NRP2: variants seen among roughly 807,000 people sequenced by gnomAD.
NRP2 encodes the protein neuropilin 2, also known as neuropilin-2.
Under a neutral mutation model 110.4 loss-of-function variants are expected in NRP2, and 52 were observed. That is an observed-to-expected ratio of 0.47 (90% CI 0.38 to 0.59). The LOEUF (loss-of-function observed/expected upper bound fraction) is 0.59, where lower values mean the gene tolerates loss of function less well. NRP2 is among the 20% of genes least tolerant of loss of function. The pLI, the probability that NRP2 is intolerant of heterozygous loss-of-function variation, is 0.00. For missense variants in NRP2, 1,049 were observed against 1,203.0 expected, an observed-to-expected ratio of 0.87 and a Z score of 1.89; for synonymous variants, 508 against 468.9, an observed-to-expected ratio of 1.08 and a Z score of -1.08.
intron 15 of NRP2, among the ~76,000 whole-genome samples, chr2:205,783,707 G>A (rs1414429986): frequency 2.0e-5 from 3 of 152,248 alleles, no homozygotes; most frequent in Middle Eastern, 3.2e-3. Context: ...ACAGGGGCCA[G>A]TAGCAAGGAA....
At position 205,796,167 on chromosome 2, in the gene NRP2, T is replaced by C. The variant is rs1026424789; in HGVS notation, c.*1109T>C. 3 of 152,220 alleles carry C rather than the reference T, an allele frequency of 2.0e-5. No individual in the cohort carries two copies. The highest frequency in any genetic ancestry group is 4.4e-5 in the Non-Finnish European group (3 of 68,054). 9.4% of individuals were successfully genotyped at this position (152,220 alleles called of 1,614,324 possible). ...AAGAGAAGCCCAACCTCTGTGATCATATGAGGGCCAAGGCTGAGCAGTGTA... is the reference window on the plus strand; with the variant it reads ...AAGAGAAGCCCAACCTCTGTGATCACATGAGGGCCAAGGCTGAGCAGTGTA... On this transcript the variant is annotated 3_prime_UTR_variant, in exon 17 of 17. Transcript: ENST00000357785.
Position 205,767,072 on chromosome 2 carries a change from A to G in NRP2, c.2425+269A>G, listed in dbSNP as rs574345495. ...TTACAGATAAACCTTTCAGCCTTGC[A>G]TTGTCCAACGGGGAGCAATGAGGCT... On this transcript the variant is annotated intron_variant, in intron 15 of 16. Transcript: ENST00000357785. 2.5e-3 allele frequency: 1,318 copies of G among 534,794 alleles called. 7 individuals carry two copies. The highest frequency in any genetic ancestry group is 2.7e-3 in the Non-Finnish European group (821 of 299,732). The allele number at this position is 534,794 out of a possible 1,614,324, so 33.1% of individuals were successfully genotyped here. A position where few individuals can be genotyped will look rare whatever the true frequency, so the allele number is the denominator to read the frequency against.
chr2:205,722,378 AG>A, intron 3 of NRP2, 99 bp from the exon 4 acceptor site: 1 of 955,552 alleles, frequency 1.0e-6, no homozygotes, highest in South Asian at 1.4e-5. Context: ...AAACCTCAAG[AG>A]CAGGGGGATT....
chr2:205,792,195 A>T lies in NRP2; in HGVS notation c.2426-40A>T, dbSNP rs74638640. 4,763 of 1,384,694 alleles carry T rather than the reference A, an allele frequency of 3.4e-3. 131 individuals are homozygous for T. In the African/African-American group the frequency reaches 0.056, roughly 16 times the overall value. The allele number at this position is 1,384,694 out of a possible 1,614,324, so 85.8% of individuals were successfully genotyped here. A position where few individuals can be genotyped will look rare whatever the true frequency, so the allele number is the denominator to read the frequency against. On this transcript the variant is annotated intron_variant, in intron 15 of 16. Transcript: ENST00000357785. ...CCCTGCCTTTTAGCCATGGTGATAG[A>T]ACTTGTTATTAACTTGTTTTTATTT...
At chr2:205,753,771 C>A (rs1171346057) in intron 12 of NRP2, among the ~76,000 whole-genome samples, 2 of 152,128 alleles carry the variant, frequency 1.3e-5, no homozygotes, top group East Asian at 3.8e-4. Flanking sequence ...GGTGTAAATA[C>A]CCTTACCATA....
chr2:205,712,938 C>T (rs1461213220), intron 2 of NRP2, among the ~76,000 whole-genome samples: 1 of 152,152 alleles, frequency 6.6e-6, no homozygotes, highest in African/African-American at 2.4e-5. Flanking sequence ...AACTAACAAG[C>T]TCAGAGAAAA....
At chr2:205,711,570 C>T (rs2056799452) in intron 2 of NRP2, among the ~76,000 whole-genome samples, 1 of 152,080 alleles carries the variant, frequency 6.6e-6, no homozygotes, top group Non-Finnish European at 1.5e-5. Context: ...TTGGAAAGAG[C>T]TCACCATATA....
chr2:205,742,194 T>A (rs1010456), intron 8 of NRP2, among the ~76,000 whole-genome samples: 36,712 of 152,218 alleles, frequency 0.24, 5,490 homozygotes, highest in Non-Finnish European at 0.33. Flanking sequence ...TAGCTCAGTT[T>A]GCAAGTATGA....
chr2:205,794,820 A>G lies in NRP2; in HGVS notation c.2543A>G (p.Asp848Gly), dbSNP rs748463365. The G allele has an allele frequency of 7.4e-6, 12 of 1,614,150 alleles. No homozygotes were observed. Among genetic ancestry groups the G allele is most frequent in the Non-Finnish European group, 1.0e-5 (12 of 1,180,018 alleles). Residue 848 changes from aspartate to glycine, a missense_variant, in exon 17 of 17, where the codon GAC becomes GGC. Asp to Gly is a moderately conservative substitution (Grantham distance 94). Coordinates refer to ENST00000357785, the MANE Select transcript of NRP2 (RefSeq NM_003872.3). ...ATSGSGAPST[D>G]KEKSWLYTLD... is the part of the protein sequence containing the mutation. ...TCAGGGTCTGGCGCCCCCTCGACCGACAAAGAAAAGAGCTGGCTGTACACC... is the reference window on the plus strand; with the variant it reads ...TCAGGGTCTGGCGCCCCCTCGACCGGCAAAGAAAAGAGCTGGCTGTACACC...
chr2:205,782,803 T>C (rs1417823609), intron 15 of NRP2, among the ~76,000 whole-genome samples: 1 of 152,108 alleles, frequency 6.6e-6, no homozygotes, highest in East Asian at 1.9e-4. Context: ...TGTGTTGATA[T>C]GCCAGAGTGT....
At chr2:205,769,070 C>G (rs2057974572) in intron 15 of NRP2, among the ~76,000 whole-genome samples, 1 of 152,098 alleles carries the variant, frequency 6.6e-6, no homozygotes, top group South Asian at 2.1e-4. Context: ...CCTAGTGACT[C>G]ATATACTATT....
chr2:205,734,011 G>C (rs2105845238), intron 7 of NRP2, among the ~76,000 whole-genome samples: 1 of 152,122 alleles, frequency 6.6e-6, no homozygotes, highest in African/African-American at 2.4e-5. Context: ...CTGTGCCTCT[G>C]TCTCCTCCTT....
chr2:205,755,002 T>C (rs2057711274), intron 12 of NRP2, among the ~76,000 whole-genome samples: 1 of 152,154 alleles, frequency 6.6e-6, no homozygotes, highest in Admixed American at 6.5e-5. Flanking sequence ...AGGGCAGCCC[T>C]ACCCAGGCCA....
chr2:205,795,367 T>TTATTA lies in NRP2; in HGVS notation c.*311_*315dup, dbSNP rs2058343403. The TTATTA allele has an allele frequency of 6.9e-6, 1 of 145,098 alleles. No individual in the cohort carries two copies. The highest frequency in any genetic ancestry group is 2.5e-5 in the African/African-American group (1 of 40,594). 9.0% of individuals were successfully genotyped at this position (145,098 alleles called of 1,614,324 possible). A position where few individuals can be genotyped will look rare whatever the true frequency, so the allele number is the denominator to read the frequency against. ...CTATTTTGTTTGTGAGTTTGTATTA[T>TTATTA]TATTATTATTATTATTATTATTATA... On this transcript the variant is annotated 3_prime_UTR_variant, in exon 17 of 17. Transcript: ENST00000357785.
intron 10 of NRP2, 118 bp from the exon 11 acceptor site, chr2:205,749,606 GT>G: frequency 2.5e-6 from 2 of 812,658 alleles, no homozygotes; most frequent in Non-Finnish European, 4.3e-6. Flanking sequence ...TGACTTCAGA[GT>G]TCCGTGCACA....
rs748899902 is a variant in NRP2, at chr2:205,745,850, G to T, written c.1746G>T (p.Gly582=). ...RVYPERWSPA[G]IGMRLEVLGC... ...ACCCGGAGAGGTGGTCGCCGGCGGG[G>T]ATTGGGATGCGGCTGGAGGTGCTGG... The change falls in exon 10 of 17, where the codon GGG becomes GGT. Residue 582 remains glycine, a synonymous_variant. Coordinates refer to ENST00000357785, the MANE Select transcript of NRP2 (RefSeq NM_003872.3). 20 of 1,614,096 alleles carry T rather than the reference G, an allele frequency of 1.2e-5. No homozygotes were observed. Among genetic ancestry groups the T allele is most frequent in the Non-Finnish European group, 1.7e-5 (20 of 1,180,036 alleles).
intron 1 of NRP2, among the ~76,000 whole-genome samples, chr2:205,696,388 C>T (rs559344787): frequency 1.3e-5 from 2 of 152,248 alleles, no homozygotes; most frequent in South Asian, 2.1e-4. Context: ...ATGCAGATGG[C>T]GATATTAAAT....
intron 15 of NRP2, among the ~76,000 whole-genome samples, chr2:205,785,312 G>A (rs1199447071): frequency 6.6e-6 from 1 of 152,102 alleles, no homozygotes; most frequent in East Asian, 1.9e-4. Context: ...CTAGAGGAGG[G>A]GAGAAATTTC....
At chr2:205,743,036 A>G (rs1222088648) in intron 8 of NRP2, among the ~76,000 whole-genome samples, 167 bp from the exon 9 acceptor site, 1 of 152,234 alleles carries the variant, frequency 6.6e-6, no homozygotes, top group Non-Finnish European at 1.5e-5. Context: ...TCTAGCTCTG[A>G]GTCCAGGCTC....
Sources: gnomAD v4.1 joint callset for allele counts (sites outside exome capture counted in the v4.1 genomes callset) on GRCh38, gnomAD v4.1.1 for gene constraint, MANE v1.5 for transcripts, NCBI Gene and HGNC (gene_info 2026-07-23, HGNC 2026-07-21) for gene names.